Variants in BAIAP2 observed in about 807,000 individuals in gnomAD.
The protein encoded by BAIAP2 is BAR/IMD domain-containing adapter protein 2.
BAIAP2 carries 18 observed loss-of-function variants against 63.0 expected under a neutral mutation model. The observed-to-expected ratio is 0.29, with a 90% CI of 0.20 to 0.42. The LOEUF is 0.42. Among genes scored for constraint, BAIAP2 ranks in the 10% least tolerant of loss-of-function variants. The probability of loss-of-function intolerance (pLI) is 1.00; values close to 1 mark genes in which losing one functional copy is unlikely to be tolerated. For synonymous variants in BAIAP2, 386 were observed against 307.6 expected (o/e 1.25, Z -2.67); for missense variants, 610 against 734.3 (o/e 0.83, Z 1.96).
At chr17:81,037,703 C>T (rs1424940105) in intron 1 of BAIAP2, among the ~76,000 whole-genome samples, 1 of 152,252 alleles carries the variant, frequency 6.6e-6, no homozygotes, top group Non-Finnish European at 1.5e-5. Context: ...CTGGCAGTGC[C>T]TCTTGGAACG....
chr17:81,110,922 T>G, intron 13 of BAIAP2: 2 of 1,613,940 alleles, frequency 1.2e-6, no homozygotes, highest in Non-Finnish European at 1.7e-6. Context: ...AGCGCCGATG[T>G]GGAAGTGGCC....
chr17:81,104,167 C>T (rs2058842164), intron 9 of BAIAP2, 59 bp downstream of exon 9: 1 of 1,567,366 alleles, frequency 6.4e-7, no homozygotes, highest in Admixed American at 1.7e-5. Context: ...TCAGACCCTA[C>T]AGTCATGCCA....
Position 81,117,373 on chromosome 17 carries a change from AAACAC to A in BAIAP2, c.*1537_*1541del, listed in dbSNP as rs2060576178. The A allele has an allele frequency of 6.6e-6, 1 of 152,316 alleles. No individual in the cohort carries two copies. The highest frequency in any genetic ancestry group is 1.5e-5 in the Non-Finnish European group (1 of 68,062). The allele number at this position is 152,316 out of a possible 1,614,324, so 9.4% of individuals were successfully genotyped here. A position where few individuals can be genotyped will look rare whatever the true frequency, so the allele number is the denominator to read the frequency against. On this transcript the variant is annotated 3_prime_UTR_variant, in exon 14 of 14. Coordinates refer to ENST00000428708, the MANE Select transcript of BAIAP2 (RefSeq NM_001144888.2). ...GCACCAGCGTTCTAAGCCTCAAACA[AAACAC>A]AAAACAAATCCCCCTGCGAAGCAAC...
Position 81,083,328 on chromosome 17 carries a change from G to C in BAIAP2, c.218-1504G>C, listed in dbSNP as rs552245490. The C allele has an allele frequency of 2.6e-5, 4 of 152,426 alleles. No individual in the cohort carries two copies. In the South Asian group the frequency reaches 6.2e-4, roughly 24 times the overall value. 9.4% of individuals were successfully genotyped at this position (152,426 alleles called of 1,614,324 possible). ...AAGTCCTGCTTCAGGCAGCCATTCAGGGAGGGACAGGAATCACCCGAGAGT... is the reference window on the plus strand; with the variant it reads ...AAGTCCTGCTTCAGGCAGCCATTCACGGAGGGACAGGAATCACCCGAGAGT... On this transcript the variant is annotated intron_variant, in intron 3 of 13. Transcript: ENST00000428708.
At chr17:81,069,705 C>A (rs937754008) in intron 3 of BAIAP2, among the ~76,000 whole-genome samples, 1 of 152,198 alleles carries the variant, frequency 6.6e-6, no homozygotes, top group East Asian at 1.9e-4. Context: ...GACTCTCCCC[C>A]GCCAGGACTG....
chr17:81,043,329 G>A (rs556147170), intron 1 of BAIAP2, among the ~76,000 whole-genome samples: 124 of 152,200 alleles, frequency 8.1e-4, no homozygotes, highest in Non-Finnish European at 1.5e-3. Flanking sequence ...GCCCCACCAC[G>A]GAAAGCCCGT....
chr17:81,048,272 T>C (rs1198286731), intron 1 of BAIAP2, among the ~76,000 whole-genome samples: 2 of 147,744 alleles, frequency 1.4e-5, no homozygotes, highest in African/African-American at 5.0e-5. Context: ...TAATCCCAGC[T>C]GCTCAGGAGG....
intron 3 of BAIAP2, among the ~76,000 whole-genome samples, chr17:81,073,881 C>T (rs575181217): frequency 5.3e-5 from 8 of 152,330 alleles, no homozygotes; most frequent in African/African-American, 1.7e-4. Flanking sequence ...AGCTGGCAGG[C>T]GCCAGTTCCT....
chr17:81,040,207 C>T (rs146303374), intron 1 of BAIAP2, among the ~76,000 whole-genome samples: 1 of 152,378 alleles, frequency 6.6e-6, no homozygotes, highest in East Asian at 1.9e-4. Flanking sequence ...TCCCAGCCAC[C>T]TTGTCTGGTG....
intron 6 of BAIAP2, among the ~76,000 whole-genome samples, chr17:81,096,525 G>A (rs1421561405): frequency 1.3e-5 from 2 of 151,996 alleles, no homozygotes; most frequent in Non-Finnish European, 2.9e-5. Context: ...AGGCGGCCTT[G>A]GAACAGGCCT....
At chr17:81,070,352 CG>C (rs1330138662) in intron 3 of BAIAP2, among the ~76,000 whole-genome samples, 1 of 152,224 alleles carries the variant, frequency 6.6e-6, no homozygotes, top group African/African-American at 2.4e-5. Flanking sequence ...ACTGAGCGGA[CG>C]TCCAGGCAGC....
intron 2 of BAIAP2, among the ~76,000 whole-genome samples, chr17:81,055,872 A>C (rs1390666100): frequency 2.0e-5 from 3 of 152,130 alleles, no homozygotes; most frequent in Admixed American, 6.6e-5. Flanking sequence ...GGCCGTCTGC[A>C]GGGTTTTCAT....
At position 81,116,880 on chromosome 17, in the gene BAIAP2, TGGCGGGCCA is replaced by T. The variant is rs1282692232; in HGVS notation, c.*1044_*1052del. 1 of 154,894 alleles carries T rather than the reference TGGCGGGCCA, an allele frequency of 6.5e-6. No individual in the cohort carries two copies. Among genetic ancestry groups the T allele is most frequent in the Non-Finnish European group, 1.4e-5 (1 of 69,568 alleles). 9.6% of individuals were successfully genotyped at this position (154,894 alleles called of 1,614,324 possible). A position where few individuals can be genotyped will look rare whatever the true frequency, so the allele number is the denominator to read the frequency against. ...CCCCGGGGACAGGAAGCTGTAGAGT[TGGCGGGCCA>T]GGAGGGCAGTTGAGAGCTGGCCAGC... is the stretch of plus-strand genomic sequence containing the variant. On this transcript the variant is annotated 3_prime_UTR_variant, in exon 14 of 14. Coordinates refer to ENST00000428708, the MANE Select transcript of BAIAP2 (RefSeq NM_001144888.2).
At chr17:81,038,128 C>T (rs2143328953) in intron 1 of BAIAP2, among the ~76,000 whole-genome samples, 1 of 152,358 alleles carries the variant, frequency 6.6e-6, no homozygotes, top group Non-Finnish European at 1.5e-5. Context: ...CCGGGCCCAG[C>T]GCTTGCTCAG....
At chr17:81,060,056 G>T (rs780553995) in intron 3 of BAIAP2, among the ~76,000 whole-genome samples, 2 of 152,194 alleles carry the variant, frequency 1.3e-5, no homozygotes, top group Non-Finnish European at 2.9e-5. Context: ...TTTACCTGTG[G>T]CCTTTTGGAA....
intron 3 of BAIAP2, among the ~76,000 whole-genome samples, chr17:81,059,533 C>G (rs2050191715): frequency 6.6e-6 from 1 of 152,222 alleles, no homozygotes; most frequent in African/African-American, 2.4e-5. Flanking sequence ...TGGCCTTGAA[C>G]TCATGGGCTC....
At chr17:81,070,165 C>T (rs2052334961) in intron 3 of BAIAP2, among the ~76,000 whole-genome samples, 2 of 152,148 alleles carry the variant, frequency 1.3e-5, no homozygotes, top group Admixed American at 1.3e-4. Flanking sequence ...TGCTTTGTTG[C>T]CCAGGCTGGT....
chr17:81,090,383 C>G (rs1235817161), intron 6 of BAIAP2, among the ~76,000 whole-genome samples: 1 of 152,260 alleles, frequency 6.6e-6, no homozygotes, highest in Non-Finnish European at 1.5e-5. Flanking sequence ...CCCCATCCGC[C>G]TCCTTCCTCT....
At chr17:81,075,473 T>G (rs7503597) in intron 3 of BAIAP2, among the ~76,000 whole-genome samples, 99,325 of 150,968 alleles carry the variant, frequency 0.66, 33,816 homozygotes, top group East Asian at 0.86. Flanking sequence ...GCTCCCTTCC[T>G]GTGGGCCGCT....
Sources: allele counts gnomAD v4.1 joint callset (sites outside exome capture counted in the v4.1 genomes callset), GRCh38; gene constraint gnomAD v4.1.1; transcripts MANE v1.5; gene names NCBI Gene and HGNC (gene_info 2026-07-23, HGNC 2026-07-21).